FSHR: variants seen among roughly 807,000 people sequenced by gnomAD.
FSHR encodes the protein follicle-stimulating hormone receptor.
FSHR carries 46 observed loss-of-function variants against 52.1 expected under a neutral mutation model. That is an observed-to-expected ratio of 0.88 (90% confidence interval 0.70 to 1.13). The LOEUF (loss-of-function observed/expected upper bound fraction) is 1.13, where lower values mean the gene tolerates loss of function less well. FSHR is among the 50% of genes most tolerant of loss of function. FSHR has a pLI of 0.00. For synonymous variants in FSHR, 399 were observed against 309.6 expected (o/e 1.29, Z -3.03); for missense variants, 964 against 834.6 (o/e 1.16, Z -1.91).
chr2:49,127,830 C>CTCCTCTTCT, intron 1 of FSHR, among the ~76,000 whole-genome samples: 1 of 21,050 alleles, frequency 4.8e-5, no homozygotes, highest in African/African-American at 2.3e-4. Flanking sequence ...CTTCTTCTTC[C>CTCCTCTTCT]TCTTCTTCTT....
At chr2:49,018,328 C>T (rs1451244298) in intron 3 of FSHR, among the ~76,000 whole-genome samples, 1 of 152,180 alleles carries the variant, frequency 6.6e-6, no homozygotes, top group Admixed American at 6.5e-5. Flanking sequence ...AGACAGCCTG[C>T]CCTTTCCTTG....
chr2:48,982,855 G>C, intron 8 of FSHR, 57 bp downstream of exon 8: 1 of 1,425,736 alleles, frequency 7.0e-7, no homozygotes, highest in Non-Finnish European at 9.9e-7. Context: ...GCAGAGAGTT[G>C]ACTTCTAACT....
At chr2:49,106,388 G>A (rs543841144) in intron 1 of FSHR, among the ~76,000 whole-genome samples, 2 of 152,052 alleles carry the variant, frequency 1.3e-5, no homozygotes, top group Non-Finnish European at 2.9e-5. Context: ...CCTGCAGTTG[G>A]CCAACAGATA....
At chr2:48,994,202 T>C (rs1184032509) in intron 4 of FSHR, among the ~76,000 whole-genome samples, 1 of 152,208 alleles carries the variant, frequency 6.6e-6, no homozygotes, top group Non-Finnish European at 1.5e-5. Context: ...TTATTACAGC[T>C]TACTCATTCA....
intron 1 of FSHR, among the ~76,000 whole-genome samples, chr2:49,118,041 G>A (rs1199416710): frequency 6.6e-6 from 1 of 152,194 alleles, no homozygotes; most frequent in East Asian, 1.9e-4. Context: ...AAGGTGTCTG[G>A]GCCTACCTGA....
intron 4 of FSHR, among the ~76,000 whole-genome samples, chr2:48,998,968 A>G (rs1035526239): frequency 6.6e-6 from 1 of 152,074 alleles, no homozygotes; most frequent in East Asian, 1.9e-4. Context: ...GACTGCAGTC[A>G]TATGTGTATC....
chr2:48,993,064 T>C (rs1056777438), intron 4 of FSHR, among the ~76,000 whole-genome samples: 2 of 152,176 alleles, frequency 1.3e-5, no homozygotes, highest in Non-Finnish European at 2.9e-5. Flanking sequence ...CTCCTGTTAC[T>C]CCTTTTTAGC....
chr2:49,052,754 T>A (rs10199061), intron 2 of FSHR, among the ~76,000 whole-genome samples: 6,701 of 152,276 alleles, frequency 0.044, 249 homozygotes, highest in Non-Finnish European at 0.065. Flanking sequence ...GACTCAAGGC[T>A]GCTTTGACCA....
chr2:49,078,854 A>G (rs1012802739), intron 1 of FSHR, among the ~76,000 whole-genome samples: 2 of 152,140 alleles, frequency 1.3e-5, no homozygotes, highest in Non-Finnish European at 2.9e-5. Flanking sequence ...TGTGCTGGAT[A>G]CCCTGGCCTA....
chr2:49,145,773 A>G (rs1012069554), intron 1 of FSHR, among the ~76,000 whole-genome samples: 2 of 152,164 alleles, frequency 1.3e-5, no homozygotes, highest in Middle Eastern at 3.4e-3. Flanking sequence ...TCCAGTGCCT[A>G]ATATAGAACC....
chr2:49,038,404 G>A (rs1295872), intron 2 of FSHR, among the ~76,000 whole-genome samples: 2 of 151,890 alleles, frequency 1.3e-5, no homozygotes, highest in African/African-American at 2.4e-5. Context: ...GGCGGATCAC[G>A]AGGTCAGGAG....
At chr2:49,120,646 G>C (rs1183544995) in intron 1 of FSHR, among the ~76,000 whole-genome samples, 1 of 152,180 alleles carries the variant, frequency 6.6e-6, no homozygotes, top group African/African-American at 2.4e-5. Context: ...CCTGGAGCTA[G>C]ACACACTTTC....
chr2:49,139,827 T>C (rs2103833240), intron 1 of FSHR, among the ~76,000 whole-genome samples: 1 of 152,204 alleles, frequency 6.6e-6, no homozygotes, highest in South Asian at 2.1e-4. Context: ...CTTGATCTCC[T>C]GACCTCGTGA....
chr2:48,968,234 A>AGAGGC (rs1007162530), intron 9 of FSHR, among the ~76,000 whole-genome samples: 5 of 152,182 alleles, frequency 3.3e-5, no homozygotes, highest in African/African-American at 1.2e-4. Context: ...GGTGGATTAG[A>AGAGGC]GAGGCTTAGA....
chr2:49,076,064 A>G (rs1185080584), intron 1 of FSHR, among the ~76,000 whole-genome samples: 1 of 152,228 alleles, frequency 6.6e-6, no homozygotes, highest in Non-Finnish European at 1.5e-5. Context: ...TTGTGTTGGT[A>G]ATTTAACAGC....
intron 1 of FSHR, among the ~76,000 whole-genome samples, chr2:49,108,444 C>G (rs911197725): frequency 6.6e-6 from 1 of 152,138 alleles, no homozygotes; most frequent in African/African-American, 2.4e-5. Context: ...TGCCCTCTGT[C>G]TCTAGCGTGT....
chr2:49,095,258 A>G (rs1670780157), intron 1 of FSHR, among the ~76,000 whole-genome samples: 1 of 152,200 alleles, frequency 6.6e-6, no homozygotes, highest in South Asian at 2.1e-4. Flanking sequence ...AAGATGTGGT[A>G]GCAGTGGCAC....
At chr2:49,107,228 T>A (rs549941114) in intron 1 of FSHR, among the ~76,000 whole-genome samples, 1 of 152,122 alleles carries the variant, frequency 6.6e-6, no homozygotes, top group African/African-American at 2.4e-5. Context: ...ACTTTTTTTT[T>A]ACATGCTGTT....
intron 2 of FSHR, among the ~76,000 whole-genome samples, chr2:49,049,467 G>T (rs572190704): frequency 6.6e-6 from 1 of 152,198 alleles, no homozygotes; most frequent in African/African-American, 2.4e-5. Flanking sequence ...GTACCAAGCA[G>T]AAGTCATCAG....
Sources: gnomAD v4.1 joint callset for allele counts (sites outside exome capture counted in the v4.1 genomes callset) on GRCh38, gnomAD v4.1.1 for gene constraint, MANE v1.5 for transcripts, NCBI Gene and HGNC (gene_info 2026-07-23, HGNC 2026-07-21) for gene names.